Variants in NRF1 observed in about 807,000 individuals in gnomAD.
NRF1 encodes nuclear respiratory factor 1.
NRF1 carries 5 observed loss-of-function variants against 58.5 expected under a neutral mutation model. The ratio of observed to expected loss-of-function variants is 0.09; its 90% CI spans 0.04 to 0.18. The LOEUF (loss-of-function observed/expected upper bound fraction) is 0.18. Ranked by LOEUF, NRF1 falls within the 10% of genes least tolerant of loss-of-function variation. The pLI, the probability that NRF1 is intolerant of heterozygous loss-of-function variation, is 1.00. For synonymous variants in NRF1, 224 were observed against 246.7 expected, an observed-to-expected ratio of 0.91 and a Z score of 0.86; for missense variants, 288 against 657.7, an observed-to-expected ratio of 0.44 and a Z score of 6.15.
chr7:129,701,972 G>A (rs1056550160), intron 5 of NRF1, among the ~76,000 whole-genome samples: 2 of 152,110 alleles, frequency 1.3e-5, no homozygotes, highest in Non-Finnish European at 2.9e-5. Context: ...TTATAAAATA[G>A]TGTACAATAT....
Position 129,661,030 on chromosome 7 carries a change from TAC to T in NRF1, c.223+3459_223+3460del, listed in dbSNP as rs376297641. On this transcript the variant is annotated intron_variant, in intron 2 of 10. Coordinates refer to ENST00000393232, the MANE Select transcript of NRF1 (RefSeq NM_005011.5). ...CCCAAACTCCAATCCTTGACTTCTGTACACTTGCAGGCTCAACACCTTTGTGG... is the reference window on the plus strand; with the variant it reads ...CCCAAACTCCAATCCTTGACTTCTGTACTTGCAGGCTCAACACCTTTGTGG... 8.3e-4 allele frequency among the ~76,000 whole-genome samples: 126 copies of T among 151,488 alleles called. 14 individuals are homozygous for T. The highest frequency in any genetic ancestry group is 2.9e-3 in the African/African-American group (118 of 40,744).
At chr7:129,676,719 A>G (rs1388756233) in intron 3 of NRF1, among the ~76,000 whole-genome samples, 1 of 152,248 alleles carries the variant, frequency 6.6e-6, no homozygotes, top group African/African-American at 2.4e-5. Flanking sequence ...CGAAGTGAGC[A>G]CATGCTGTTG....
At chr7:129,641,188 A>G (rs1247445318) in intron 1 of NRF1, among the ~76,000 whole-genome samples, 2 of 152,214 alleles carry the variant, frequency 1.3e-5, no homozygotes, top group Non-Finnish European at 2.9e-5. Context: ...TGATTTATCA[A>G]CTTTAGATGA....
At chr7:129,715,338 T>C (rs1484912522) in intron 8 of NRF1, among the ~76,000 whole-genome samples, 1 of 152,164 alleles carries the variant, frequency 6.6e-6, no homozygotes, top group Non-Finnish European at 1.5e-5. Context: ...TGGGCCAAAA[T>C]GTTAGCATGC....
chr7:129,664,705 G>T (rs1390917084), intron 2 of NRF1, among the ~76,000 whole-genome samples: 1 of 152,184 alleles, frequency 6.6e-6, no homozygotes, highest in Admixed American at 6.5e-5. Flanking sequence ...TTAAGACCAG[G>T]CAAAGACTTT....
chr7:129,697,230 A>G (rs1802719331), intron 5 of NRF1, among the ~76,000 whole-genome samples: 1 of 152,064 alleles, frequency 6.6e-6, no homozygotes, highest in East Asian at 1.9e-4. Flanking sequence ...CGAAAACAAA[A>G]TATTTTTCAG....
intron 1 of NRF1, among the ~76,000 whole-genome samples, chr7:129,629,649 A>C (rs1801004336): frequency 6.6e-6 from 1 of 152,246 alleles, no homozygotes; most frequent in Admixed American, 6.5e-5. Context: ...AATGCAACAG[A>C]AGCGCTTTAT....
rs1267964430 is a variant in NRF1, at chr7:129,657,462, G to T, written c.111G>T (p.Met37Ile). The T allele has an allele frequency of 6.2e-7, 1 of 1,614,102 alleles. No homozygotes were observed. Among genetic ancestry groups the T allele is most frequent in the South Asian group, 1.1e-5 (1 of 91,084 alleles). The change falls in exon 2 of 11, where the codon ATG becomes ATT. Residue 37 changes from methionine (M) to isoleucine (I), a missense_variant. Around this residue, in one of 3 missense-constraint regions of NRF1, gnomAD observed 48 missense variants for 65.5 expected, o/e 0.73. Coordinates refer to ENST00000393232, the MANE Select transcript of NRF1 (RefSeq NM_005011.5). Reference protein sequence around the residue: ...VHVATYTEHSMLSADEDSPSS... With the variant: ...VHVATYTEHSILSADEDSPSS... ...TGGCTACTTACACCGAGCATAGTATGCTGAGTGCTGATGAAGACTCGCCTT... is the reference window on the plus strand; with the variant it reads ...TGGCTACTTACACCGAGCATAGTATTCTGAGTGCTGATGAAGACTCGCCTT...
At chr7:129,670,766 G>A (rs1317517899) in intron 2 of NRF1, among the ~76,000 whole-genome samples, 1 of 152,170 alleles carries the variant, frequency 6.6e-6, no homozygotes, top group Non-Finnish European at 1.5e-5. Context: ...TTCAAGGCAA[G>A]CCAGACTAAC....
chr7:129,734,689 C>G (rs936770300), intron 10 of NRF1, among the ~76,000 whole-genome samples: 1 of 152,220 alleles, frequency 6.6e-6, no homozygotes, highest in African/African-American at 2.4e-5. Context: ...CATTGGCTGG[C>G]TGTCAGCCTT....
chr7:129,751,862 C>T (rs1035733696), intron 10 of NRF1, among the ~76,000 whole-genome samples: 2 of 152,156 alleles, frequency 1.3e-5, no homozygotes, highest in Non-Finnish European at 2.9e-5. Flanking sequence ...CTGTTTTGAC[C>T]AGAAGAGAGC....
chr7:129,652,254 A>G (rs1393584908), intron 1 of NRF1, among the ~76,000 whole-genome samples: 1 of 152,206 alleles, frequency 6.6e-6, no homozygotes, highest in Admixed American at 6.5e-5. Flanking sequence ...TTCTATATCT[A>G]TGTGGTTGAC....
chr7:129,709,323 A>C (rs1328307770), intron 6 of NRF1, 90 bp downstream of exon 6: 4 of 1,186,884 alleles, frequency 3.4e-6, no homozygotes, highest in Non-Finnish European at 4.5e-6. Context: ...TTGTGCTAGA[A>C]AGTCTTTGTG....
intron 5 of NRF1, among the ~76,000 whole-genome samples, chr7:129,708,160 C>T (rs962574890): frequency 6.6e-6 from 1 of 152,070 alleles, no homozygotes; most frequent in Non-Finnish European, 1.5e-5. Flanking sequence ...TGCTATAGAC[C>T]ACCAGGTTAA....
intron 4 of NRF1, among the ~76,000 whole-genome samples, chr7:129,686,101 C>CAA (rs540355035): frequency 1.6e-3 from 90 of 57,658 alleles, no homozygotes; most frequent in African/African-American, 4.2e-3. Flanking sequence ...GACTGTATCT[C>CAA]AAAAAAAAAA....
chr7:129,627,443 ACTCCTGGGCTCAAG>A (rs1467822536), intron 1 of NRF1, among the ~76,000 whole-genome samples: 3 of 151,194 alleles, frequency 2.0e-5, no homozygotes, highest in Non-Finnish European at 4.4e-5. Flanking sequence ...CTGGTCTCAA[ACTCCTGGGCTCAAG>A]CAATCCTCCA....
chr7:129,631,818 T>G (rs1193208932), intron 1 of NRF1, among the ~76,000 whole-genome samples: 1 of 152,254 alleles, frequency 6.6e-6, no homozygotes, highest in Non-Finnish European at 1.5e-5. Flanking sequence ...ATAATGTATA[T>G]ATTTAAGTTT....
chr7:129,734,937 T>G (rs984322212), intron 10 of NRF1: 2 of 449,946 alleles, frequency 4.4e-6, no homozygotes, highest in Non-Finnish European at 5.9e-6. Flanking sequence ...CACCTGTCTC[T>G]AACAAAGTTG....
chr7:129,690,315 A>G (rs1420504690), intron 4 of NRF1, 91 bp from the exon 5 acceptor site: 1 of 1,373,916 alleles, frequency 7.3e-7, no homozygotes, highest in Non-Finnish European at 1.0e-6. Context: ...ATGGCTCAGG[A>G]AGGCCAGCCC....
Sources: allele counts gnomAD v4.1 joint callset (sites outside exome capture counted in the v4.1 genomes callset), GRCh38; gene constraint gnomAD v4.1.1; regional missense constraint gnomAD v4.1.1; transcripts MANE v1.5; gene names NCBI Gene and HGNC (gene_info 2026-07-23, HGNC 2026-07-21).